SP140: variants seen among roughly 807,000 people sequenced by gnomAD.
SP140 encodes SP140 nuclear body protein.
Under a neutral mutation model 125.0 loss-of-function variants are expected in SP140, and 81 were observed. That is an observed-to-expected ratio of 0.65 (90% CI 0.54 to 0.78). SP140 has a LOEUF of 0.78. SP140 is among the 30% of genes least tolerant of loss of function. The pLI is 0.00. For synonymous variants in SP140, 312 were observed against 354.0 expected (o/e 0.88, Z 1.33); for missense variants, 858 against 1,037.0 (o/e 0.83, Z 2.37).
chr2:230,225,319 C>T (rs2046192251), upstream of SP140, among the ~76,000 whole-genome samples: 1 of 152,172 alleles, frequency 6.6e-6, no homozygotes, highest in African/African-American at 2.4e-5. Flanking sequence ...AAGAGCATCT[C>T]CCCCACTTTC....
intron 3 of SP140, among the ~76,000 whole-genome samples, chr2:230,217,346 A>G (rs924487290): frequency 7.2e-5 from 11 of 152,114 alleles, no homozygotes; most frequent in African/African-American, 2.7e-4. Flanking sequence ...TCTGGTCCCA[A>G]AGGCATCCTT....
In SP140 at chr2:230,243,812, G is replaced by A. The variant is rs374923389; in HGVS notation, c.571+1G>A. 26 of 1,609,260 alleles carry A rather than the reference G, an allele frequency of 1.6e-5. No individual in the cohort carries two copies. The highest frequency in any genetic ancestry group is 2.1e-5 in the Non-Finnish European group (25 of 1,175,986). On this transcript the variant is annotated splice_donor_variant, in intron 5 of 26. Coordinates refer to ENST00000392045, the MANE Select transcript of SP140 (RefSeq NM_007237.5). LOFTEE classifies it high-confidence loss of function. ...AGCTCCTCGCCAAGGTGTGAGCCAGGTAAGGAAGGAGTGACTTGCTCTCCC... is the reference window on the plus strand; with the variant it reads ...AGCTCCTCGCCAAGGTGTGAGCCAGATAAGGAAGGAGTGACTTGCTCTCCC...
intron 12 of SP140, among the ~76,000 whole-genome samples, chr2:230,261,504 C>T (rs549634022): frequency 3.3e-5 from 5 of 152,032 alleles, no homozygotes; most frequent in Non-Finnish European, 5.9e-5. Flanking sequence ...AGAGGAGTGG[C>T]GAGAGTGGGC....
chr2:230,270,762 T>C, intron 15 of SP140, 123 bp downstream of exon 15: 1 of 940,708 alleles, frequency 1.1e-6, no homozygotes, highest in Non-Finnish European at 1.7e-6. Context: ...GACAGAAGGA[T>C]GACCTCCCTA....
chr2:230,207,698 G>T (rs991171800), intron 1 of SP140, among the ~76,000 whole-genome samples: 5 of 152,090 alleles, frequency 3.3e-5, no homozygotes, highest in Non-Finnish European at 7.4e-5. Context: ...CTGCAAAACT[G>T]ATCTTGAATT....
intron 22 of SP140, 101 bp downstream of exon 22, chr2:230,297,563 T>G (rs1190571700): frequency 2.9e-6 from 4 of 1,367,900 alleles, no homozygotes; most frequent in Non-Finnish European, 4.1e-6. Flanking sequence ...ATGTTCAGTC[T>G]CAGCTGGAGT....
intron 10 of SP140, among the ~76,000 whole-genome samples, chr2:230,251,262 G>A (rs773159726): frequency 1.3e-5 from 2 of 152,184 alleles, no homozygotes; most frequent in Non-Finnish European, 2.9e-5. Context: ...TGTGTTTAAC[G>A]GAATGGGTTT....
intron 12 of SP140, among the ~76,000 whole-genome samples, chr2:230,268,805 GC>G (rs1189894477): frequency 6.6e-6 from 1 of 152,288 alleles, no homozygotes; most frequent in South Asian, 2.1e-4. Context: ...TGAGATTCAT[GC>G]CTGTGGTTCC....
At chr2:230,194,532 G>A in the SP140 span, among the ~76,000 whole-genome samples, 1 of 152,120 alleles carries the variant, frequency 6.6e-6, no homozygotes, top group Admixed American at 6.5e-5. Flanking sequence ...AAGAAAAGTG[G>A]GATGAAGCAG....
rs561497408 is a variant in SP140 at position 230,312,390 on chromosome 2, T to A, written c.2506-196T>A. Among the ~76,000 whole-genome samples the A allele has an allele frequency of 1.5e-3, 228 of 152,364 alleles. 1 individual carries two copies. The highest frequency in any genetic ancestry group is 5.2e-3 in the African/African-American group (217 of 41,588). On this transcript the variant is annotated intron_variant, in intron 26 of 26. Coordinates refer to ENST00000392045, the MANE Select transcript of SP140 (RefSeq NM_007237.5). ...CTATTTGAGGTGATGAATATGTTAA[T>A]TAGTTCAATTTAATTATTCCACATA...
At chr2:230,296,679 C>T (rs1002871410) in intron 21 of SP140, among the ~76,000 whole-genome samples, 6 of 152,182 alleles carry the variant, frequency 3.9e-5, no homozygotes, top group Non-Finnish European at 5.9e-5. Flanking sequence ...TGCATGGCCT[C>T]TAGGACTCTG....
intron 24 of SP140, 82 bp from the exon 25 acceptor site, chr2:230,311,072 G>C (rs1312535268): frequency 6.2e-7 from 1 of 1,607,490 alleles, no homozygotes; most frequent in African/African-American, 1.3e-5. Context: ...AGGAAGAAGG[G>C]TGTGAGTTCT....
upstream of SP140, chr2:230,200,787 G>GA (rs557840697): frequency 8.3e-3 from 6,956 of 838,406 alleles, 1 homozygote; most frequent in Non-Finnish European, 0.01. Flanking sequence ...CAGTAATAAT[G>GA]AAAAAAAAAA....
At chr2:230,225,960 T>C in intron 1 of SP140, 57 bp downstream of exon 1, 2 of 1,387,132 alleles carry the variant, frequency 1.4e-6, no homozygotes, top group Middle Eastern at 1.8e-4. Context: ...TTCCCTTTCA[T>C]ACTTGTTATT....
intron 7 of SP140, among the ~76,000 whole-genome samples, chr2:230,246,640 A>C (rs2049497989): frequency 1.3e-5 from 2 of 152,244 alleles, no homozygotes; most frequent in African/African-American, 4.8e-5. Context: ...GACAGAATAT[A>C]CAGAAAGACT....
At chr2:230,299,262 T>A (rs1207302653) in intron 22 of SP140, among the ~76,000 whole-genome samples, 3 of 152,008 alleles carry the variant, frequency 2.0e-5, no homozygotes, top group African/African-American at 7.3e-5. Flanking sequence ...AAACCGTGAG[T>A]CCTCAAAGTG....
intron 22 of SP140, among the ~76,000 whole-genome samples, chr2:230,300,622 T>A (rs1404070099): frequency 6.6e-6 from 1 of 152,144 alleles, no homozygotes; most frequent in African/African-American, 2.4e-5. Flanking sequence ...CATTAAGGGA[T>A]CACCCTGTGG....
In SP140 at chr2:230,211,696, GA is replaced by G; in HGVS notation, c.-322-1955del. The G allele has an allele frequency of 5.9e-6, 4 of 676,474 alleles. No homozygotes were observed. The highest frequency in any genetic ancestry group is 1.1e-5 in the Non-Finnish European group (4 of 371,810). 41.9% of individuals were successfully genotyped at this position (676,474 alleles called of 1,614,324 possible). A position where few individuals can be genotyped will look rare whatever the true frequency, so the allele number is the denominator to read the frequency against. On this transcript the variant is annotated intron_variant, in intron 1 of 4. Transcript: ENST00000456542. This position sits in a 1 kb window ranked among gnomAD's most constrained non-coding sequence, Gnocchi z 4.2. ...CCTGGGAAAGGATGGCATAGAGTGGGAAAGTAAGCAACCATTCACTCTCAAT... is the reference window on the plus strand; with the variant it reads ...CCTGGGAAAGGATGGCATAGAGTGGGAAGTAAGCAACCATTCACTCTCAAT...
chr2:230,268,100 GT>G (rs2053394287), intron 12 of SP140, among the ~76,000 whole-genome samples: 1 of 152,026 alleles, frequency 6.6e-6, no homozygotes, highest in African/African-American at 2.4e-5. Flanking sequence ...AAGACTTTTT[GT>G]TTTTTTGGTG....
Sources: allele counts gnomAD v4.1 joint callset (sites outside exome capture counted in the v4.1 genomes callset), GRCh38; gene constraint gnomAD v4.1.1; non-coding constraint Gnocchi (gnomAD v3.1); transcripts MANE v1.5; gene names NCBI Gene and HGNC (gene_info 2026-07-23, HGNC 2026-07-21).